Variants in WNT7B observed in about 807,000 individuals in gnomAD.
The protein encoded by WNT7B is protein Wnt-7b.
WNT7B carries 19 observed loss-of-function variants against 38.2 expected under a neutral mutation model. The observed-to-expected ratio is 0.50, with a 90% CI of 0.35 to 0.73. WNT7B has a LOEUF of 0.73. WNT7B is among the 30% of genes least tolerant of loss of function. WNT7B has a pLI of 0.01. For synonymous variants in WNT7B, 243 were observed against 209.3 expected, an observed-to-expected ratio of 1.16 and a Z score of -1.39; for missense variants, 423 against 507.9, an observed-to-expected ratio of 0.83 and a Z score of 1.61.
intron 2 of WNT7B, among the ~76,000 whole-genome samples, chr22:45,945,545 G>C (rs778369933): frequency 1.3e-5 from 2 of 152,226 alleles, no homozygotes; most frequent in African/African-American, 4.8e-5. Context: ...ATGTCGGTTG[G>C]TCCACACCAT....
chr22:45,945,066 G>A (rs1931762647), intron 2 of WNT7B, among the ~76,000 whole-genome samples: 1 of 152,096 alleles, frequency 6.6e-6, no homozygotes, highest in Non-Finnish European at 1.5e-5. Context: ...TAAGAAAAGT[G>A]AAAATAATTT....
chr22:45,931,654 G>A (rs1601719629), intron 2 of WNT7B, among the ~76,000 whole-genome samples: 2 of 152,262 alleles, frequency 1.3e-5, no homozygotes, highest in East Asian at 1.9e-4. Flanking sequence ...CCTCCAGCAT[G>A]CAGTGCTGCC....
chr22:45,928,878 A>ACCTTGGTTCCC (rs1931189952), intron 3 of WNT7B, among the ~76,000 whole-genome samples: 1 of 149,088 alleles, frequency 6.7e-6, no homozygotes, highest in Non-Finnish European at 1.5e-5. Flanking sequence ...ACATACCACG[A>ACCTTGGTTCCC]CCTTGGTTCC....
At chr22:45,974,554 C>T (rs1013043704) in intron 1 of WNT7B, among the ~76,000 whole-genome samples, 5 of 152,076 alleles carry the variant, frequency 3.3e-5, no homozygotes, top group African/African-American at 4.8e-5. Context: ...ACAGGGTGTT[C>T]GGAGGTCACA....
chr22:45,950,419 G>C (rs986377978), intron 1 of WNT7B, among the ~76,000 whole-genome samples: 1 of 152,214 alleles, frequency 6.6e-6, no homozygotes, highest in Non-Finnish European at 1.5e-5. Context: ...TCACGCAACC[G>C]CAAGTCCCAC....
At chr22:45,967,140 T>G (rs1390487503) in intron 1 of WNT7B, among the ~76,000 whole-genome samples, 1 of 152,028 alleles carries the variant, frequency 6.6e-6, no homozygotes, top group Non-Finnish European at 1.5e-5. Flanking sequence ...CAGCCTGAGG[T>G]GAGGCCCCCA....
In WNT7B at chr22:45,956,500, C is replaced by T. The variant is rs115869248; in HGVS notation, c.72-6354G>A. Among the ~76,000 whole-genome samples, 154 of 152,326 alleles carry T rather than the reference C, an allele frequency of 1.0e-3. 2 individuals are homozygous for T. The highest frequency in any genetic ancestry group is 3.2e-3 in the African/African-American group (134 of 41,570). On this transcript the variant is annotated intron_variant, in intron 1 of 3. Transcript: ENST00000339464. ...CAATTGTGAAGCTACTGGGTATCCG[C>T]GTCAGCCACTGCACCCACCACCGAT...
chr22:45,932,844 TG>T (rs1365801693), intron 2 of WNT7B, among the ~76,000 whole-genome samples: 2 of 152,210 alleles, frequency 1.3e-5, no homozygotes, highest in Admixed American at 6.5e-5. Flanking sequence ...ACTGCTGGCA[TG>T]GTGCAGTCCC....
rs142291377 is a variant in WNT7B at position 45,929,741 on chromosome 22, G to A, written c.570+1357C>T. Among the ~76,000 whole-genome samples the A allele has an allele frequency of 2.6e-3, 307 of 117,210 alleles. 3 individuals are homozygous for A. Among genetic ancestry groups the A allele is most frequent in the African/African-American group, 9.0e-3 (285 of 31,788 alleles). 76.9% of individuals were successfully genotyped at this position (117,210 alleles called of 152,430 possible). A position where few individuals can be genotyped will look rare whatever the true frequency, so the allele number is the denominator to read the frequency against. Reference sequence around the variant, plus strand: ...GAATCCACTCACCCATCCACCCACCGATCCATCCTTTCATTCATCTGTCTA... The same window carrying A: ...GAATCCACTCACCCATCCACCCACCAATCCATCCTTTCATTCATCTGTCTA... On this transcript the variant is annotated intron_variant, in intron 3 of 3. Coordinates refer to ENST00000339464, the MANE Select transcript of WNT7B (RefSeq NM_058238.3).
intron 2 of WNT7B, among the ~76,000 whole-genome samples, chr22:45,942,605 A>C (rs1274316615): frequency 6.6e-6 from 1 of 152,152 alleles, no homozygotes. Flanking sequence ...GCCAAGGTGC[A>C]CTCTGGCCAG....
chr22:45,924,724 C>T (rs1931023749), intron 3 of WNT7B, among the ~76,000 whole-genome samples: 2 of 146,854 alleles, frequency 1.4e-5, no homozygotes, highest in East Asian at 2.1e-4. Context: ...CCGGGTGGGC[C>T]CTAGACTGGC....
intron 2 of WNT7B, among the ~76,000 whole-genome samples, chr22:45,934,616 C>T (rs1430408786): frequency 6.6e-6 from 1 of 152,168 alleles, no homozygotes; most frequent in East Asian, 1.9e-4. Flanking sequence ...TCCTGAAGTC[C>T]CTGAGCAGGC....
At position 45,951,880 on chromosome 22, in the gene WNT7B, T is replaced by C. The variant is rs1931941694; in HGVS notation, c.72-1734A>G. On this transcript the variant is annotated intron_variant, in intron 1 of 3. Coordinates refer to ENST00000339464, the MANE Select transcript of WNT7B (RefSeq NM_058238.3). This position sits in a 1 kb window ranked among gnomAD's most constrained non-coding sequence, Gnocchi z 4.8. ...TTTCTGTTTGAGCCTGTTTTCAGTC[T>C]CTGGGGCATGGACCTATGAGTTGCT... Among the ~76,000 whole-genome samples, 1 of 152,222 alleles carries C rather than the reference T, an allele frequency of 6.6e-6. No individual in the cohort carries two copies. Among genetic ancestry groups the C allele is most frequent in the Admixed American group, 6.5e-5 (1 of 15,282 alleles).
chr22:45,933,165 C>G (rs1187936823), intron 2 of WNT7B, among the ~76,000 whole-genome samples: 1 of 152,174 alleles, frequency 6.6e-6, no homozygotes, highest in African/African-American at 2.4e-5. Flanking sequence ...GGCTGTCTGT[C>G]TGCCGTCATG....
At chr22:45,939,300 G>A (rs1013826744) in intron 2 of WNT7B, among the ~76,000 whole-genome samples, 1 of 152,198 alleles carries the variant, frequency 6.6e-6, no homozygotes, top group African/African-American at 2.4e-5. Context: ...ATACACTTCA[G>A]AGAAATGAAA....
At chr22:45,957,463 C>G (rs550536296) in intron 1 of WNT7B, among the ~76,000 whole-genome samples, 2 of 152,018 alleles carry the variant, frequency 1.3e-5, no homozygotes, top group South Asian at 4.2e-4. Flanking sequence ...GCGAGTGGGT[C>G]ACCTAAGGTC....
intron 3 of WNT7B, among the ~76,000 whole-genome samples, chr22:45,929,781 CACCCACCGATCCACTCAACCATCT>C (rs1931257133): frequency 6.6e-6 from 1 of 152,020 alleles, no homozygotes; most frequent in African/African-American, 2.4e-5. Context: ...TCCTTCCATC[CACCCACCGATCCACTCAACCATCT>C]ACCCATCCAT....
intron 3 of WNT7B, among the ~76,000 whole-genome samples, chr22:45,928,919 C>T (rs577216014): frequency 4.6e-5 from 7 of 152,178 alleles, no homozygotes; most frequent in Non-Finnish European, 8.8e-5. Flanking sequence ...TTCCCTCTGC[C>T]TGGAGTGCTC....
chr22:45,928,698 A>G (rs1421732095), intron 3 of WNT7B, among the ~76,000 whole-genome samples: 1 of 152,064 alleles, frequency 6.6e-6, no homozygotes, highest in Non-Finnish European at 1.5e-5. Flanking sequence ...TCCCACACCA[A>G]GTCAGCCCTG....
Sources: allele counts gnomAD v4.1 joint callset (sites outside exome capture counted in the v4.1 genomes callset), GRCh38; gene constraint gnomAD v4.1.1; non-coding constraint Gnocchi (gnomAD v3.1); transcripts MANE v1.5; gene names NCBI Gene and HGNC (gene_info 2026-07-23, HGNC 2026-07-21).